Variants in DCHS2 observed in about 807,000 individuals in gnomAD.
The protein encoded by DCHS2 is protocadherin-23.
Under a neutral mutation model 182.4 loss-of-function variants are expected in DCHS2, and 142 were observed. That is an observed-to-expected ratio of 0.78 (90% CI 0.68 to 0.89). The LOEUF (loss-of-function observed/expected upper bound fraction) is 0.89, where lower values mean the gene tolerates loss of function less well. Among genes scored for constraint, DCHS2 ranks in the 40% least tolerant of loss-of-function variants. The pLI, the probability that DCHS2 is intolerant of heterozygous loss-of-function variation, is 0.00. For missense variants in DCHS2, 4,319 were observed against 4,198.6 expected (o/e 1.03, Z -0.79); for synonymous variants, 1,740 against 1,663.3 (o/e 1.05, Z -1.12).
At chr4:154,373,975 C>T in intron 2 of DCHS2, 1 of 1,502,388 alleles carries the variant, frequency 6.7e-7, no homozygotes, top group Non-Finnish European at 9.1e-7. Flanking sequence ...ATGAATTGAT[C>T]CTTTTTGGAG....
intron 1 of DCHS2, among the ~76,000 whole-genome samples, chr4:154,437,546 C>T (rs530691557): frequency 1.7e-4 from 26 of 152,144 alleles, no homozygotes; most frequent in Non-Finnish European, 3.2e-4. Context: ...AATATAAATA[C>T]TATATGTATT....
intron 6 of DCHS2, 55 bp downstream of exon 6, chr4:154,329,468 C>T (rs1042907266): frequency 1.4e-5 from 21 of 1,525,670 alleles, no homozygotes; most frequent in African/African-American, 8.2e-5. Flanking sequence ...CAAGATGGTG[C>T]TCAAAACAAA....
chr4:154,430,079 G>A (rs577820390), intron 1 of DCHS2, among the ~76,000 whole-genome samples: 1 of 152,274 alleles, frequency 6.6e-6, no homozygotes, highest in Non-Finnish European at 1.5e-5. Flanking sequence ...TCCTAAATAA[G>A]CCATGATCTC....
chr4:154,322,379 A>T lies in DCHS2; in HGVS notation c.4128T>A (p.Thr1376=). ...CTTGAAGAGGAGGCACTCCCTGGTC[A>T]GTGGCAATGACACTCATTCTGTAGG... ...RPSYRMSVIA[T]DQGVPPLQGQ... Residue 1376 remains threonine (T), a synonymous_variant, in exon 8 of 20, where the codon ACT becomes ACA. Coordinates refer to ENST00000357232, the MANE Select transcript of DCHS2 (RefSeq NM_001358235.2). 1 of 1,613,846 alleles carries T rather than the reference A, an allele frequency of 6.2e-7. No homozygotes were observed. Among genetic ancestry groups the T allele is most frequent in the South Asian group, 1.1e-5 (1 of 91,070 alleles).
At chr4:154,276,662 A>T (rs981915820) in intron 13 of DCHS2, among the ~76,000 whole-genome samples, 3 of 152,216 alleles carry the variant, frequency 2.0e-5, no homozygotes. Context: ...ACATATTGCA[A>T]CTACTTAAGA....
intron 1 of DCHS2, among the ~76,000 whole-genome samples, chr4:154,399,844 G>A (rs761001656): frequency 2.0e-5 from 3 of 152,146 alleles, no homozygotes; most frequent in South Asian, 4.1e-4. Flanking sequence ...AACCTAGGGG[G>A]ATCCCTCTGG....
chr4:154,244,569 G>T (rs949949350), intron 16 of DCHS2, among the ~76,000 whole-genome samples: 17 of 152,066 alleles, frequency 1.1e-4, no homozygotes, highest in Admixed American at 9.2e-4. Context: ...CTTTCACTTT[G>T]TTTTCATTGT....
At chr4:154,386,470 A>C (rs1731423827) in intron 1 of DCHS2, among the ~76,000 whole-genome samples, 1 of 142,636 alleles carries the variant, frequency 7.0e-6, no homozygotes, top group South Asian at 2.4e-4. Flanking sequence ...GTCAAGAGTC[A>C]CTTTACCTCT....
At chr4:154,244,281 T>C (rs925569814) in intron 16 of DCHS2, among the ~76,000 whole-genome samples, 2 of 152,216 alleles carry the variant, frequency 1.3e-5, no homozygotes, top group African/African-American at 4.8e-5. Context: ...ATACATTATA[T>C]GACAGAGCTG....
At chr4:154,297,561 A>G (rs1473606052) in intron 13 of DCHS2, among the ~76,000 whole-genome samples, 4 of 152,226 alleles carry the variant, frequency 2.6e-5, no homozygotes, top group African/African-American at 9.6e-5. Flanking sequence ...CAGTAAGAAT[A>G]TCAGATTGAA....
intron 1 of DCHS2, among the ~76,000 whole-genome samples, chr4:154,410,161 AC>A (rs1732566000): frequency 6.6e-6 from 1 of 152,106 alleles, no homozygotes; most frequent in Non-Finnish European, 1.5e-5. Flanking sequence ...CTAGTAACTG[AC>A]CCCAAAGAAA....
intron 16 of DCHS2, among the ~76,000 whole-genome samples, chr4:154,245,994 T>C (rs1425397328): frequency 2.0e-5 from 3 of 152,114 alleles, no homozygotes; most frequent in Non-Finnish European, 4.4e-5. Context: ...TGGGCAGGGA[T>C]ATACAGGAAA....
At chr4:154,275,644 A>G (rs1477830210) in intron 13 of DCHS2, among the ~76,000 whole-genome samples, 1 of 152,142 alleles carries the variant, frequency 6.6e-6, no homozygotes, top group Non-Finnish European at 1.5e-5. Flanking sequence ...TATTTCCTAA[A>G]CACAGGAAAT....
At chr4:154,394,165 G>C (rs115842759) in intron 1 of DCHS2, among the ~76,000 whole-genome samples, 1,741 of 152,232 alleles carry the variant, frequency 0.011, 23 homozygotes, top group African/African-American at 0.037. Context: ...CAATGAGGGA[G>C]TCACAGTCCA....
intron 3 of DCHS2, among the ~76,000 whole-genome samples, chr4:154,350,640 T>A (rs1729565169): frequency 6.6e-6 from 1 of 152,172 alleles, no homozygotes; most frequent in Non-Finnish European, 1.5e-5. Context: ...AACCTACATA[T>A]CCATAACTGC....
chr4:154,447,702 G>A (rs1263904654), intron 1 of DCHS2, among the ~76,000 whole-genome samples: 1 of 152,130 alleles, frequency 6.6e-6, no homozygotes, highest in Admixed American at 6.5e-5. Flanking sequence ...CTGCAGTCCT[G>A]ATGTGGTGCT....
At chr4:154,259,524 A>G (rs1732871186) in intron 15 of DCHS2, 21 bp downstream of exon 15, 1 of 1,611,884 alleles carries the variant, frequency 6.2e-7, no homozygotes, top group Non-Finnish European at 8.5e-7. Flanking sequence ...ACACACACAC[A>G]CACAAATATA....
intron 1 of DCHS2, among the ~76,000 whole-genome samples, chr4:154,386,481 G>A (rs1443733088): frequency 1.9e-5 from 2 of 105,376 alleles, no homozygotes; most frequent in African/African-American, 7.2e-5. Flanking sequence ...CTTTACCTCT[G>A]TCTCACCTTT....
chr4:154,406,527 A>T (rs1229599972), intron 1 of DCHS2, among the ~76,000 whole-genome samples: 1 of 152,186 alleles, frequency 6.6e-6, no homozygotes, highest in East Asian at 1.9e-4. Context: ...AGTATTGGCT[A>T]CTCTGTTGTA....
Sources: gnomAD v4.1 joint callset for allele counts (sites outside exome capture counted in the v4.1 genomes callset) on GRCh38, gnomAD v4.1.1 for gene constraint, MANE v1.5 for transcripts, NCBI Gene and HGNC (gene_info 2026-07-23, HGNC 2026-07-21) for gene names.